Variants in RPS6KA6 observed in about 807,000 individuals in gnomAD.
RPS6KA6 encodes the protein ribosomal protein S6 kinase A6.
Under a neutral mutation model 65.4 loss-of-function variants are expected in RPS6KA6, and 27 were observed. That is an observed-to-expected ratio of 0.41 (90% confidence interval 0.30 to 0.57). The LOEUF is 0.57. Ranked by LOEUF, RPS6KA6 falls within the 20% of genes least tolerant of loss-of-function variation. The probability of loss-of-function intolerance (pLI) is 0.24; values close to 1 mark genes in which losing one functional copy is unlikely to be tolerated. For missense variants in RPS6KA6, 486 were observed against 555.6 expected (o/e 0.87, Z 1.26); for synonymous variants, 190 against 184.2 (o/e 1.03, Z -0.26).
Position 84,104,023 on chromosome X carries a change from C to T in RPS6KA6, c.1614+476G>A, listed in dbSNP as rs556357235. 5.4e-5 allele frequency among the ~76,000 whole-genome samples: 6 copies of T among 110,226 alleles called. No homozygotes were observed. In the South Asian group the frequency reaches 2.3e-3, roughly 42 times the overall value. ...GCCTTCTTTATGAAAGGACAGGAAG[C>T]AAAATAACAAGCCTGCCCCTTCACC... On this transcript the variant is annotated intron_variant, in intron 17 of 21. Coordinates refer to ENST00000262752, the MANE Select transcript of RPS6KA6 (RefSeq NM_014496.5).
rs769107727 is a variant in RPS6KA6 at position 84,160,924 on chromosome X, T to C, written c.141+3404A>G. Among the ~76,000 whole-genome samples the C allele has an allele frequency of 1.2e-4, 13 of 111,190 alleles. 1 individual carries two copies. The highest frequency in any genetic ancestry group is 2.3e-4 in the Non-Finnish European group (12 of 52,795). ...TGCAGAACACTTAGTTTTGTAAAAGTCTGCATTATGACTGAAAACCAAAGA... is the reference window on the plus strand; with the variant it reads ...TGCAGAACACTTAGTTTTGTAAAAGCCTGCATTATGACTGAAAACCAAAGA... On this transcript the variant is annotated intron_variant, in intron 2 of 21. Transcript: ENST00000262752.
In RPS6KA6 at chrX:84,094,041, CTGTT is replaced by C. The variant is rs57557818; in HGVS notation, c.1971+2149_1971+2152del. Reference sequence around the variant, plus strand: ...GAATCACCATCAGCGTTTTCTTTTTCTGTTTGTTTGTTTGTTTGTTTGTTTTGCA... The same window carrying C: ...GAATCACCATCAGCGTTTTCTTTTTCTGTTTGTTTGTTTGTTTGTTTTGCA... On this transcript the variant is annotated intron_variant, in intron 20 of 21. Coordinates refer to ENST00000262752, the MANE Select transcript of RPS6KA6 (RefSeq NM_014496.5). Among the ~76,000 whole-genome samples, 288 of 109,992 alleles carry C rather than the reference CTGTT, an allele frequency of 2.6e-3. 1 individual carries two copies. Among genetic ancestry groups the C allele is most frequent in the African/African-American group, 8.7e-3 (265 of 30,469 alleles).
chrX:84,069,152 G>A (rs2033474171), intron 20 of RPS6KA6, among the ~76,000 whole-genome samples: 1 of 111,994 alleles, frequency 8.9e-6, no homozygotes, highest in African/African-American at 3.2e-5. Context: ...CATGCTACCT[G>A]ACTTCAAACT....
intron 2 of RPS6KA6, among the ~76,000 whole-genome samples, 173 bp downstream of exon 2, chrX:84,164,155 T>C (rs1410816770): frequency 8.9e-6 from 1 of 112,376 alleles, no homozygotes; most frequent in Non-Finnish European, 1.9e-5. Context: ...TAAGTATTTC[T>C]GTCAGGAAAA....
chrX:84,171,142 T>C (rs900742200), intron 1 of RPS6KA6, among the ~76,000 whole-genome samples: 6 of 111,201 alleles, frequency 5.4e-5, no homozygotes, highest in African/African-American at 2.0e-4. Context: ...GTCAAGCCTC[T>C]ATATAACAAT....
intron 1 of RPS6KA6, among the ~76,000 whole-genome samples, chrX:84,177,241 A>G: frequency 8.9e-6 from 1 of 112,132 alleles, no homozygotes. Flanking sequence ...TCATTATACA[A>G]TAGTTGATTT....
At chrX:84,163,983 G>C (rs1602478700) in intron 2 of RPS6KA6, among the ~76,000 whole-genome samples, 2 of 111,949 alleles carry the variant, frequency 1.8e-5, no homozygotes, top group African/African-American at 6.5e-5. Context: ...TCTACCCTGA[G>C]GTTGAAGATA....
At chrX:84,161,346 T>A (rs2035508505) in intron 2 of RPS6KA6, among the ~76,000 whole-genome samples, 2 of 111,784 alleles carry the variant, frequency 1.8e-5, no homozygotes, top group South Asian at 7.4e-4. Flanking sequence ...TTTGCATACC[T>A]GATGGTGCAG....
chrX:84,084,800 A>G (rs2033881374), intron 20 of RPS6KA6, among the ~76,000 whole-genome samples: 1 of 112,187 alleles, frequency 8.9e-6, no homozygotes, highest in Non-Finnish European at 1.9e-5. Flanking sequence ...TGCTTTGGTC[A>G]GTATGGCCAC....
In RPS6KA6 at chrX:84,107,610, A is replaced by G; in HGVS notation, c.1111+13T>C. ...AAATAAAATCTCTGATTTTACAGATAAACATGCATTACCTTTAGGTGTTTT... is the reference window on the plus strand; with the variant it reads ...AAATAAAATCTCTGATTTTACAGATGAACATGCATTACCTTTAGGTGTTTT... On this transcript the variant is annotated intron_variant, in intron 13 of 21. Transcript: ENST00000262752. 4.8e-6 allele frequency: 5 copies of G among 1,031,986 alleles called. No individual in the cohort carries two copies. Among genetic ancestry groups the G allele is most frequent in the Non-Finnish European group, 6.7e-6 (5 of 744,702 alleles). The allele number at this position is 1,031,986 out of a possible 1,213,427, so 85.0% of individuals were successfully genotyped here.
intron 3 of RPS6KA6, among the ~76,000 whole-genome samples, chrX:84,151,574 G>A (rs950742119): frequency 9.0e-6 from 1 of 110,607 alleles, no homozygotes; most frequent in Non-Finnish European, 1.9e-5. Flanking sequence ...AGGAAAAGTG[G>A]TGATCCATAA....
At chrX:84,119,750 A>C (rs1272561655) in intron 9 of RPS6KA6, 135 bp downstream of exon 9, 1 of 378,942 alleles carries the variant, frequency 2.6e-6, no homozygotes, top group Non-Finnish European at 4.3e-6. Flanking sequence ...CTAGCCAATC[A>C]CAAGGTTTTT....
Position 84,063,766 on chromosome X carries a change from T to C in RPS6KA6, c.*511A>G, listed in dbSNP as rs2033340807. The C allele has an allele frequency of 8.9e-6, 1 of 112,224 alleles. No homozygotes were observed. The highest frequency in any genetic ancestry group is 1.9e-5 in the Non-Finnish European group (1 of 53,322). 9.2% of individuals were successfully genotyped at this position (112,224 alleles called of 1,213,427 possible). A position where few individuals can be genotyped will look rare whatever the true frequency, so the allele number is the denominator to read the frequency against. On this transcript the variant is annotated 3_prime_UTR_variant, in exon 22 of 22. Transcript: ENST00000262752. ...ACCACTATGTTTACATTTTAGTAACTACAGTGAGTCAAATGAATGGAGTCC... is the reference window on the plus strand; with the variant it reads ...ACCACTATGTTTACATTTTAGTAACCACAGTGAGTCAAATGAATGGAGTCC...
intron 1 of RPS6KA6, among the ~76,000 whole-genome samples, chrX:84,179,847 T>C (rs1602492746): frequency 8.9e-6 from 1 of 112,159 alleles, no homozygotes; most frequent in East Asian, 2.8e-4. Context: ...CATATGCCCA[T>C]TAAGTTTGAA....
chrX:84,077,486 A>G (rs988544142), intron 20 of RPS6KA6, among the ~76,000 whole-genome samples: 1 of 111,804 alleles, frequency 8.9e-6, no homozygotes, highest in Non-Finnish European at 1.9e-5. Context: ...TGATATAAAT[A>G]CAAATGCAAT....
intron 1 of RPS6KA6, among the ~76,000 whole-genome samples, chrX:84,179,620 AT>A: frequency 8.9e-6 from 1 of 111,928 alleles, no homozygotes; most frequent in Non-Finnish European, 1.9e-5. Context: ...GAAAATCCGT[AT>A]TGACTGACCT....
intron 20 of RPS6KA6, among the ~76,000 whole-genome samples, chrX:84,089,647 A>C (rs1569377391): frequency 9.1e-6 from 1 of 110,487 alleles, no homozygotes; most frequent in African/African-American, 3.3e-5. Flanking sequence ...CCATGGGAGA[A>C]GCACGGTTCT....
At chrX:84,089,652 G>A (rs993787209) in intron 20 of RPS6KA6, among the ~76,000 whole-genome samples, 2 of 110,707 alleles carry the variant, frequency 1.8e-5, no homozygotes, top group African/African-American at 6.6e-5. Context: ...GGAGAAGCAC[G>A]GTTCTCTAGG....
intron 6 of RPS6KA6, among the ~76,000 whole-genome samples, chrX:84,144,971 T>C (rs2035174092): frequency 9.1e-6 from 1 of 110,445 alleles, no homozygotes; most frequent in Non-Finnish European, 1.9e-5. Context: ...ACAAACCAAA[T>C]AGTGACAGAA....
Sources: allele counts gnomAD v4.1 joint callset (sites outside exome capture counted in the v4.1 genomes callset), GRCh38; gene constraint gnomAD v4.1.1; transcripts MANE v1.5; gene names NCBI Gene and HGNC (gene_info 2026-07-23, HGNC 2026-07-21).